The following ASPH variants were observed in gnomAD, a reference collection of about 807,000 sequenced individuals.
The protein encoded by ASPH is aspartate beta-hydroxylase, also known as aspartyl/asparaginyl beta-hydroxylase.
ASPH carries 100 observed loss-of-function variants against 118.4 expected under a neutral mutation model. The observed-to-expected ratio is 0.84, with a 90% CI of 0.72 to 1.00. ASPH has a LOEUF of 1.00. Ranked by LOEUF, ASPH falls within the 50% of genes least tolerant of loss-of-function variation. The pLI, the probability that ASPH is intolerant of heterozygous loss-of-function variation, is 0.00. For synonymous variants in ASPH, 315 were observed against 325.6 expected (o/e 0.97, Z 0.35); for missense variants, 920 against 919.5 (o/e 1.00, Z -0.01).
At chr8:61,576,551 T>C in intron 16 of ASPH, 1 of 443,168 alleles carries the variant, frequency 2.3e-6, no homozygotes, top group Non-Finnish European at 4.0e-6. Context: ...TTATTTTCTT[T>C]TCAAAGCCAG....
chr8:61,592,839 A>G (rs1364475539), intron 14 of ASPH, among the ~76,000 whole-genome samples: 1 of 152,218 alleles, frequency 6.6e-6, no homozygotes, highest in Non-Finnish European at 1.5e-5. Flanking sequence ...ATAGATTTCA[A>G]TAAAAGAAAC....
chr8:61,621,100 A>G (rs1850748549), intron 13 of ASPH, among the ~76,000 whole-genome samples: 1 of 152,184 alleles, frequency 6.6e-6, no homozygotes, highest in Admixed American at 6.5e-5. Flanking sequence ...CCCATGCTGT[A>G]TCTAAAAGGG....
intron 15 of ASPH, chr8:61,579,200 G>A (rs1487060147): frequency 1.9e-6 from 3 of 1,613,200 alleles, no homozygotes; most frequent in Non-Finnish European, 2.5e-6. Flanking sequence ...TCAAAGGCCA[G>A]AGGGCTTCCC....
Position 61,619,369 on chromosome 8 carries a change from G to T in ASPH, c.935-350C>A, listed in dbSNP as rs189851474. Among the ~76,000 whole-genome samples, 3 of 152,272 alleles carry T rather than the reference G, an allele frequency of 2.0e-5. No homozygotes were observed. The East Asian group carries it at 5.8e-4, about 29-fold the overall frequency. On this transcript the variant is annotated intron_variant, in intron 13 of 24. Transcript: ENST00000379454. ...TGGATGGGGAGAAGCCATCATTAAAGCTTGTTCAATATTGTTATTGTCTCT... is the reference window on the plus strand; with the variant it reads ...TGGATGGGGAGAAGCCATCATTAAATCTTGTTCAATATTGTTATTGTCTCT...
chr8:61,599,478 C>CA (rs201476150), intron 14 of ASPH, among the ~76,000 whole-genome samples: 2,957 of 96,852 alleles, frequency 0.031, 82 homozygotes, highest in African/African-American at 0.078. Flanking sequence ...TTAAAAAAGT[C>CA]AAAAAAAAAA....
chr8:61,557,497 C>T (rs1425441441), intron 18 of ASPH, among the ~76,000 whole-genome samples: 1 of 152,186 alleles, frequency 6.6e-6, no homozygotes, highest in African/African-American at 2.4e-5. Context: ...GAAGCCTACC[C>T]CTGACCATTA....
chr8:61,522,998 A>T (rs905276723), intron 22 of ASPH, among the ~76,000 whole-genome samples: 12 of 152,108 alleles, frequency 7.9e-5, no homozygotes, highest in Admixed American at 7.2e-4. Context: ...CATAGAAGAG[A>T]CCTACCGTAA....
At chr8:61,587,883 A>C (rs909272217) in intron 14 of ASPH, among the ~76,000 whole-genome samples, 1 of 152,154 alleles carries the variant, frequency 6.6e-6, no homozygotes, top group Non-Finnish European at 1.5e-5. Context: ...CTACCTGTAG[A>C]AAAAATGAGT....
intron 13 of ASPH, among the ~76,000 whole-genome samples, chr8:61,630,936 A>G (rs1855282310): frequency 6.6e-6 from 1 of 152,180 alleles, no homozygotes; most frequent in African/African-American, 2.4e-5. Flanking sequence ...TCAATGGGAC[A>G]AGATGTGGCG....
chr8:61,673,802 ACCTTTATTTTATCTCTCT>A (rs1313418109), intron 3 of ASPH, among the ~76,000 whole-genome samples: 5 of 152,074 alleles, frequency 3.3e-5, no homozygotes, highest in African/African-American at 1.2e-4. Flanking sequence ...AAAATAAAAT[ACCTTTATTTTATCTCTCT>A]CACACACACA....
chr8:61,544,711 G>T (rs1823149680), intron 21 of ASPH, among the ~76,000 whole-genome samples: 1 of 152,162 alleles, frequency 6.6e-6, no homozygotes, highest in Admixed American at 6.5e-5. Flanking sequence ...AGAAAAGAAA[G>T]TTTATAGAAG....
intron 21 of ASPH, among the ~76,000 whole-genome samples, chr8:61,531,025 T>C (rs41397746): frequency 0.02 from 3,045 of 152,320 alleles, 98 homozygotes; most frequent in African/African-American, 0.067. Context: ...GGTTTTATAA[T>C]AGTATGACAA....
intron 13 of ASPH, among the ~76,000 whole-genome samples, chr8:61,620,413 A>G (rs1228408144): frequency 6.9e-5 from 3 of 43,406 alleles, no homozygotes; most frequent in African/African-American, 4.2e-4. Flanking sequence ...TGACTTTTGC[A>G]AAGAGTTGAT....
intron 13 of ASPH, chr8:61,626,255 G>A (rs1852754403): frequency 3.2e-6 from 5 of 1,562,212 alleles, no homozygotes; most frequent in Non-Finnish European, 4.3e-6. Flanking sequence ...TGGTGGTAGG[G>A]GCAGTCTTTT....
In ASPH at chr8:61,503,317, G is replaced by C. The variant is rs1447843588; in HGVS notation, c.*42C>G. The C allele has an allele frequency of 6.4e-7, 1 of 1,562,836 alleles. No homozygotes were observed. Among genetic ancestry groups the C allele is most frequent in the Non-Finnish European group, 8.7e-7 (1 of 1,149,446 alleles). On this transcript the variant is annotated 3_prime_UTR_variant, in exon 25 of 25. Coordinates refer to ENST00000379454, the MANE Select transcript of ASPH (RefSeq NM_004318.4). Reference sequence around the variant, plus strand: ...CACCCAAGGAGATGGAACCAGAAAGGCAGCCTCTCTCCAGAGTTTCCCAAG... The same window carrying C: ...CACCCAAGGAGATGGAACCAGAAAGCCAGCCTCTCTCCAGAGTTTCCCAAG...
At chr8:61,528,959 T>G (rs1180393112) in intron 21 of ASPH, among the ~76,000 whole-genome samples, 3 of 152,196 alleles carry the variant, frequency 2.0e-5, no homozygotes, top group African/African-American at 7.2e-5. Context: ...CTCAGTACTA[T>G]CTAGTCCATT....
intron 14 of ASPH, among the ~76,000 whole-genome samples, chr8:61,601,828 A>G (rs1307115377): frequency 6.6e-6 from 1 of 151,414 alleles, no homozygotes; most frequent in Non-Finnish European, 1.5e-5. Flanking sequence ...TAATTATTAA[A>G]CAATAAATAT....
chr8:61,638,030 C>A, intron 11 of ASPH, 27 bp from the exon 12 acceptor site: 1 of 1,590,748 alleles, frequency 6.3e-7, no homozygotes, highest in South Asian at 1.1e-5. Context: ...AATCAGAATC[C>A]ATTACATGTT....
Position 61,684,157 on chromosome 8 carries a change from C to T in ASPH, c.135G>A (p.Arg45=), listed in dbSNP as rs1388588950. Residue 45 remains arginine (R), a synonymous_variant, in exon 2 of 25, where the codon AGG becomes AGA. Transcript: ENST00000379454. ...ETKHGGHKNG[R]KGGLSGTSFF... ...ATGAAGTTCCTGAGAGTCCGCCTTTCCTCCCATTCTTGTGTCCTCCATGCT... is the reference window on the plus strand; with the variant it reads ...ATGAAGTTCCTGAGAGTCCGCCTTTTCTCCCATTCTTGTGTCCTCCATGCT... 1.9e-6 allele frequency: 3 copies of T among 1,613,346 alleles called. No individual in the cohort carries two copies. The highest frequency in any genetic ancestry group is 2.2e-5 in the East Asian group (1 of 44,858).
Sources: gnomAD v4.1 joint callset for allele counts (sites outside exome capture counted in the v4.1 genomes callset) on GRCh38, gnomAD v4.1.1 for gene constraint, MANE v1.5 for transcripts, NCBI Gene and HGNC (gene_info 2026-07-23, HGNC 2026-07-21) for gene names.